The following EPB41 variants were observed in gnomAD, a reference collection of about 807,000 sequenced individuals.
EPB41 encodes the protein protein 4.1.
A neutral mutation model predicts 108.0 loss-of-function variants in EPB41; 65 were observed. The ratio of observed to expected loss-of-function variants is 0.60; its 90% CI spans 0.49 to 0.74. The LOEUF (loss-of-function observed/expected upper bound fraction) is 0.74. Among genes scored for constraint, EPB41 ranks in the 30% least tolerant of loss-of-function variants. EPB41 has a pLI of 0.00. For synonymous variants in EPB41, 336 were observed against 358.9 expected (o/e 0.94, Z 0.72); for missense variants, 875 against 1,037.0 (o/e 0.84, Z 2.15).
chr1:29,108,202 G>A (rs1469814376), intron 17 of EPB41, among the ~76,000 whole-genome samples: 2 of 144,264 alleles, frequency 1.4e-5, no homozygotes, highest in Admixed American at 7.1e-5. Flanking sequence ...AGGCTGGAGT[G>A]CAATGTCGCA....
rs1254367185 is a variant in EPB41, at chr1:28,973,619, T to G, written c.-7-13812T>G. ...TGTGTTGCCCAGGCTGGTTTGGAAC[T>G]CCTAGTCTCAAGAGATACTCCTGTT... is the stretch of plus-strand genomic sequence containing the variant. On this transcript the variant is annotated intron_variant, in intron 1 of 20. Transcript: ENST00000343067. Among the ~76,000 whole-genome samples the G allele has an allele frequency of 6.6e-5, 10 of 152,136 alleles. No homozygotes were observed. In the East Asian group the frequency reaches 1.9e-3, roughly 29 times the overall value.
At chr1:28,983,511 TAGTG>T (rs2095804086) in intron 1 of EPB41, among the ~76,000 whole-genome samples, 1 of 152,128 alleles carries the variant, frequency 6.6e-6, no homozygotes, top group South Asian at 2.1e-4. Flanking sequence ...AGACCCCTTA[TAGTG>T]AAGCAGGATA....
chr1:28,991,182 A>G (rs2096009967), intron 2 of EPB41, among the ~76,000 whole-genome samples: 1 of 148,332 alleles, frequency 6.7e-6, no homozygotes, highest in African/African-American at 2.4e-5. Flanking sequence ...TATATTATAA[A>G]TATATAAATA....
intron 15 of EPB41, 89 bp downstream of exon 15, chr1:29,060,573 T>C (rs1646336663): frequency 3.2e-6 from 4 of 1,266,580 alleles, no homozygotes; most frequent in Non-Finnish European, 4.6e-6. Context: ...CTGTGCTGCA[T>C]TTGGTTTTGC....
At chr1:29,040,278 T>C (rs1023185896) in intron 11 of EPB41, among the ~76,000 whole-genome samples, 2 of 151,956 alleles carry the variant, frequency 1.3e-5, no homozygotes, top group Non-Finnish European at 2.9e-5. Context: ...TTTTTTTTTT[T>C]CTTAATTTTT....
chr1:29,030,999 T>C (rs2096782491), intron 8 of EPB41, among the ~76,000 whole-genome samples: 2 of 152,052 alleles, frequency 1.3e-5, no homozygotes, highest in South Asian at 4.1e-4. Flanking sequence ...ATTTTTGTAT[T>C]TTTAGTAGAG....
chr1:28,971,627 T>A (rs1183612784), intron 1 of EPB41, among the ~76,000 whole-genome samples: 1 of 152,166 alleles, frequency 6.6e-6, no homozygotes, highest in East Asian at 1.9e-4. Flanking sequence ...GAAATGTGAG[T>A]TAACTCTTCA....
At chr1:28,892,093 C>CAAAAAAA (rs748788169) in intron 1 of EPB41, among the ~76,000 whole-genome samples, 5 of 69,784 alleles carry the variant, frequency 7.2e-5, no homozygotes, top group Non-Finnish European at 1.0e-4. Context: ...GACTGCATCT[C>CAAAAAAA]AAAAAAAAAA....
chr1:28,995,684 C>T (rs2096154619), intron 3 of EPB41, among the ~76,000 whole-genome samples: 1 of 152,178 alleles, frequency 6.6e-6, no homozygotes, highest in African/African-American at 2.4e-5. Flanking sequence ...CATGATCAGA[C>T]ATAGTATTTC....
At chr1:28,977,525 G>A (rs1454222010) in intron 1 of EPB41, among the ~76,000 whole-genome samples, 1 of 151,960 alleles carries the variant, frequency 6.6e-6, no homozygotes, top group African/African-American at 2.4e-5. Flanking sequence ...AGATGGAACG[G>A]TAACTCGTCA....
At chr1:29,087,950 A>T (rs1321758801) in intron 16 of EPB41, among the ~76,000 whole-genome samples, 1 of 151,874 alleles carries the variant, frequency 6.6e-6, no homozygotes, top group Non-Finnish European at 1.5e-5. Context: ...TCTTTTTTTC[A>T]TATTATTAAA....
At chr1:29,082,291 A>G (rs562216346) in intron 16 of EPB41, among the ~76,000 whole-genome samples, 2 of 151,930 alleles carry the variant, frequency 1.3e-5, no homozygotes, top group South Asian at 4.2e-4. Context: ...CGCCTGGCTA[A>G]TTTTGTATTT....
chr1:29,057,393 A>AAAG (rs1645719855), intron 12 of EPB41, among the ~76,000 whole-genome samples: 1 of 149,452 alleles, frequency 6.7e-6, no homozygotes, highest in Non-Finnish European at 1.5e-5. Context: ...AAAAAAAAAA[A>AAAG]AAAGAAAAAG....
chr1:28,991,258 A>G (rs2096011400), intron 2 of EPB41, among the ~76,000 whole-genome samples: 1 of 150,890 alleles, frequency 6.6e-6, no homozygotes, highest in South Asian at 2.1e-4. Flanking sequence ...CTTCATCCAG[A>G]GTAGCTTGGA....
intron 1 of EPB41, among the ~76,000 whole-genome samples, chr1:28,968,995 C>A (rs1465239658): frequency 7.0e-6 from 1 of 142,928 alleles, no homozygotes; most frequent in Non-Finnish European, 1.5e-5. Context: ...AAAAAAAACA[C>A]AAACTAAATG....
chr1:28,913,551 G>A (rs540119084), upstream of EPB41, among the ~76,000 whole-genome samples: 1 of 152,340 alleles, frequency 6.6e-6, no homozygotes, highest in South Asian at 2.1e-4. Context: ...GGATCGTGAA[G>A]GGGCTGTGAT....
intron 1 of EPB41, among the ~76,000 whole-genome samples, chr1:28,975,958 A>AAAAAAG (rs2095598345): frequency 2.1e-5 from 3 of 140,200 alleles, no homozygotes; most frequent in Non-Finnish European, 4.6e-5. Context: ...AAAAAAAAAA[A>AAAAAAG]AAAGAAAGAA....
In EPB41 at chr1:29,003,230, T is replaced by C. The variant is rs1346459233; in HGVS notation, c.786+5911T>C. 1.3e-5 allele frequency among the ~76,000 whole-genome samples: 2 copies of C among 152,234 alleles called. 1 individual carries two copies. Among genetic ancestry groups the C allele is most frequent in the African/African-American group, 4.8e-5 (2 of 41,466 alleles). The stretch of plus-strand genomic sequence containing the variant: ...AAGTTCATAGTAAATCATGGTCATC[T>C]AAGTTTTCCGCCATTCTGAAAATAC... On this transcript the variant is annotated intron_variant, in intron 4 of 20. Coordinates refer to ENST00000343067, the MANE Select transcript of EPB41 (RefSeq NM_001376013.1).
Position 29,025,437 on chromosome 1 carries a change from A to G in EPB41, c.1125-4963A>G, listed in dbSNP as rs372617131. Among the ~76,000 whole-genome samples, 46 of 152,102 alleles carry G rather than the reference A, an allele frequency of 3.0e-4. 1 individual carries two copies. In the South Asian group the frequency reaches 6.8e-3, roughly 23 times the overall value. ...TTTGTAAGCTGCAGTACTTACAAGTAGTAAATTATTAGGTGGTACTGAAAA... is the reference window on the plus strand; with the variant it reads ...TTTGTAAGCTGCAGTACTTACAAGTGGTAAATTATTAGGTGGTACTGAAAA... On this transcript the variant is annotated intron_variant, in intron 7 of 20. Coordinates refer to ENST00000343067, the MANE Select transcript of EPB41 (RefSeq NM_001376013.1).
Sources: allele counts gnomAD v4.1 joint callset (sites outside exome capture counted in the v4.1 genomes callset), GRCh38; gene constraint gnomAD v4.1.1; transcripts MANE v1.5; gene names NCBI Gene and HGNC (gene_info 2026-07-23, HGNC 2026-07-21).